The following COX7B2 variants were observed in gnomAD, a reference collection of about 807,000 sequenced individuals.
COX7B2 encodes the protein cytochrome c oxidase subunit 7B2, mitochondrial.
For synonymous variants in COX7B2, 37 were observed against 32.1 expected, an observed-to-expected ratio of 1.15 and a Z score of -0.51; for missense variants, 109 against 95.9, an observed-to-expected ratio of 1.14 and a Z score of -0.57.
At chr4:46,861,282 T>C (rs773017871) in intron 1 of COX7B2, among the ~76,000 whole-genome samples, 1 of 152,230 alleles carries the variant, frequency 6.6e-6, no homozygotes, top group African/African-American at 2.4e-5. Context: ...TCTCATCATT[T>C]ACTTTTGTTG....
intron 2 of COX7B2, among the ~76,000 whole-genome samples, chr4:46,772,203 T>C (rs1276422734): frequency 1.3e-5 from 2 of 151,980 alleles, no homozygotes; most frequent in Non-Finnish European, 2.9e-5. Flanking sequence ...GAAAGACAAA[T>C]ACAATACTGG....
chr4:46,738,900 T>C (rs1295798191), intron 2 of COX7B2, among the ~76,000 whole-genome samples: 1 of 152,056 alleles, frequency 6.6e-6, no homozygotes, highest in African/African-American at 2.4e-5. Context: ...GGGAGTGAAG[T>C]ATTCATTGAA....
intron 1 of COX7B2, among the ~76,000 whole-genome samples, chr4:46,876,343 T>C (rs1245754851): frequency 1.3e-5 from 2 of 152,068 alleles, no homozygotes; most frequent in Admixed American, 6.5e-5. Flanking sequence ...ATTGTATCTC[T>C]TTATAAAGGG....
chr4:46,809,376 G>T (rs986014104), intron 2 of COX7B2, among the ~76,000 whole-genome samples: 3 of 151,586 alleles, frequency 2.0e-5, no homozygotes, highest in Non-Finnish European at 1.5e-5. Context: ...CTATTTTTCT[G>T]AGATATTTCT....
intron 2 of COX7B2, among the ~76,000 whole-genome samples, chr4:46,755,622 A>C (rs1163236759): frequency 6.6e-6 from 1 of 152,156 alleles, no homozygotes; most frequent in African/African-American, 2.4e-5. Context: ...ATAAAATTTC[A>C]AGATAAAAAA....
chr4:46,785,532 C>A (rs2109567038), intron 2 of COX7B2, among the ~76,000 whole-genome samples: 1 of 152,226 alleles, frequency 6.6e-6, no homozygotes, highest in African/African-American at 2.4e-5. Flanking sequence ...GCCACCACAC[C>A]CGGCTATGAT....
At chr4:46,763,130 T>A (rs1263285541) in intron 2 of COX7B2, among the ~76,000 whole-genome samples, 1 of 95,812 alleles carries the variant, frequency 1.0e-5, no homozygotes, top group East Asian at 3.1e-4. Flanking sequence ...ATTATAATTA[T>A]AATTGTATAA....
At chr4:46,874,349 C>T (rs1160321040) in intron 1 of COX7B2, among the ~76,000 whole-genome samples, 2 of 152,108 alleles carry the variant, frequency 1.3e-5, no homozygotes, top group African/African-American at 4.8e-5. Context: ...TGTTTTTAGT[C>T]GCAGTGAAGA....
chr4:46,834,782 T>C (rs1189033360), intron 2 of COX7B2, among the ~76,000 whole-genome samples: 3 of 152,048 alleles, frequency 2.0e-5, no homozygotes, highest in Non-Finnish European at 4.4e-5. Context: ...TAATCTCACA[T>C]AGAAGCTATT....
chr4:46,869,607 C>A (rs763570857), intron 1 of COX7B2, among the ~76,000 whole-genome samples: 1 of 152,102 alleles, frequency 6.6e-6, no homozygotes, highest in Non-Finnish European at 1.5e-5. Context: ...TAAAAAGGAT[C>A]TTATTTCTCC....
chr4:46,750,887 C>A (rs1229771580), intron 2 of COX7B2, among the ~76,000 whole-genome samples: 1 of 152,090 alleles, frequency 6.6e-6, no homozygotes, highest in Non-Finnish European at 1.5e-5. Context: ...AGGGATGCAC[C>A]CTTATAACCT....
intron 2 of COX7B2, among the ~76,000 whole-genome samples, chr4:46,794,515 C>G (rs1384434600): frequency 2.6e-5 from 4 of 152,132 alleles, no homozygotes; most frequent in Non-Finnish European, 5.9e-5. Flanking sequence ...ACATGACTTT[C>G]ACCAATACTA....
intron 2 of COX7B2, among the ~76,000 whole-genome samples, chr4:46,741,443 T>C (rs970726945): frequency 7.2e-5 from 11 of 152,194 alleles, no homozygotes; most frequent in African/African-American, 2.6e-4. Context: ...TTGCTAAATG[T>C]TACCTAGGGT....
At chr4:46,784,253 T>C (rs950263013) in intron 2 of COX7B2, among the ~76,000 whole-genome samples, 6 of 152,274 alleles carry the variant, frequency 3.9e-5, no homozygotes, top group Admixed American at 2.0e-4. Context: ...AAATACTATT[T>C]TGTAAAATAA....
chr4:46,763,089 A>G (rs975003706), intron 2 of COX7B2, among the ~76,000 whole-genome samples: 1 of 105,270 alleles, frequency 9.5e-6, no homozygotes, highest in Non-Finnish European at 1.9e-5. Flanking sequence ...ATTACATATT[A>G]TAATATATAA....
At chr4:46,839,234 T>G (rs1256148397) in intron 2 of COX7B2, among the ~76,000 whole-genome samples, 4 of 151,974 alleles carry the variant, frequency 2.6e-5, no homozygotes, top group Non-Finnish European at 5.9e-5. Context: ...GTGGGCTGCC[T>G]GATGTTTTGA....
intron 1 of COX7B2, among the ~76,000 whole-genome samples, chr4:46,870,061 A>G (rs1717890459): frequency 6.6e-6 from 1 of 152,080 alleles, no homozygotes; most frequent in Non-Finnish European, 1.5e-5. Context: ...TGGAGGTTTT[A>G]TTCATACCTT....
At chr4:46,823,553 A>C (rs1714453485) in intron 2 of COX7B2, among the ~76,000 whole-genome samples, 1 of 150,052 alleles carries the variant, frequency 6.7e-6, no homozygotes, top group South Asian at 2.1e-4. Flanking sequence ...ATCAATTATA[A>C]AATGAAAAAT....
At chr4:46,789,313 A>G (rs529251339) in intron 2 of COX7B2, among the ~76,000 whole-genome samples, 64 of 152,324 alleles carry the variant, frequency 4.2e-4, no homozygotes, top group Non-Finnish European at 7.8e-4. Context: ...AAACAAGTCT[A>G]TGGAATCATA....
Sources: gnomAD v4.1 joint callset for allele counts (sites outside exome capture counted in the v4.1 genomes callset) on GRCh38, gnomAD v4.1.1 for gene constraint, MANE v1.5 for transcripts, NCBI Gene and HGNC (gene_info 2026-07-23, HGNC 2026-07-21) for gene names.